The following AKAP19 variants were observed in gnomAD, a reference collection of about 807,000 sequenced individuals.
AKAP19 encodes A-kinase anchoring protein 19.
the AKAP19 span, among the ~76,000 whole-genome samples, chr2:190,152,025 A>C: frequency 6.6e-6 from 1 of 151,356 alleles, no homozygotes; most frequent in Non-Finnish European, 1.5e-5. Flanking sequence ...CAAAAAAAAA[A>C]AACAAAGAGA....
At chr2:190,116,762 C>T in the AKAP19 span, among the ~76,000 whole-genome samples, 1 of 152,182 alleles carries the variant, frequency 6.6e-6, no homozygotes, top group African/African-American at 2.4e-5. Context: ...GTCTTAGTTT[C>T]CCATCTGGCC....
At chr2:189,980,941 C>G in the AKAP19 span, among the ~76,000 whole-genome samples, 1 of 152,144 alleles carries the variant, frequency 6.6e-6, no homozygotes, top group South Asian at 2.1e-4. Flanking sequence ...TATGACAGAG[C>G]ATGTGGTCAA....
chr2:190,093,891 C>A, the AKAP19 span, among the ~76,000 whole-genome samples: 3 of 152,188 alleles, frequency 2.0e-5, 1 homozygote, highest in Admixed American at 2.0e-4. Flanking sequence ...CAGTCAGAGA[C>A]GAAAGCAGTC....
At chr2:190,098,750 T>C in the AKAP19 span, among the ~76,000 whole-genome samples, 1 of 152,200 alleles carries the variant, frequency 6.6e-6, no homozygotes, top group African/African-American at 2.4e-5. Context: ...GGCTGTCTCA[T>C]CTACATTGAA....
chr2:190,011,894 A>G, the AKAP19 span, among the ~76,000 whole-genome samples: 1 of 152,144 alleles, frequency 6.6e-6, no homozygotes, highest in South Asian at 2.1e-4. Context: ...TTTTTGCTCA[A>G]GATTGCCTTG....
the AKAP19 span, among the ~76,000 whole-genome samples, chr2:190,106,330 A>C: frequency 5.3e-5 from 8 of 152,226 alleles, no homozygotes; most frequent in African/African-American, 1.7e-4. Context: ...ATACACTGTC[A>C]GCCTTGTAAA....
the AKAP19 span, among the ~76,000 whole-genome samples, chr2:189,981,029 G>A: frequency 3.6e-3 from 544 of 152,284 alleles, 4 homozygotes; most frequent in Middle Eastern, 0.01. Flanking sequence ...GTAGATGTTT[G>A]TTAGGTCCAT....
the AKAP19 span, among the ~76,000 whole-genome samples, chr2:190,142,625 T>C: frequency 6.6e-6 from 1 of 152,022 alleles, no homozygotes; most frequent in Non-Finnish European, 1.5e-5. Flanking sequence ...GCCTCCACAG[T>C]GGTAAGAAAT....
At chr2:190,039,031 CTCT>C in the AKAP19 span, among the ~76,000 whole-genome samples, 1 of 96,580 alleles carries the variant, frequency 1.0e-5, no homozygotes, top group Non-Finnish European at 2.3e-5. Context: ...CCTCTTCTTC[CTCT>C]TCTTCCTCTT....
chr2:190,200,527 C>T, the AKAP19 span: 1 of 185,352 alleles, frequency 5.4e-6, no homozygotes, highest in Non-Finnish European at 1.3e-5. Flanking sequence ...TGTTTATACC[C>T]AAAAAAAGTC....
At chr2:190,019,101 G>T in the AKAP19 span, among the ~76,000 whole-genome samples, 9 of 152,188 alleles carry the variant, frequency 5.9e-5, no homozygotes, top group African/African-American at 1.9e-4. Context: ...AGGATAGATG[G>T]CAGCAGCCAC....
the AKAP19 span, among the ~76,000 whole-genome samples, chr2:190,149,622 C>T: frequency 6.6e-6 from 1 of 152,122 alleles, no homozygotes; most frequent in Non-Finnish European, 1.5e-5. Context: ...CATATATTTG[C>T]ATGGTTCTGA....
chr2:190,178,078 G>T, the AKAP19 span, among the ~76,000 whole-genome samples: 1 of 152,068 alleles, frequency 6.6e-6, no homozygotes, highest in African/African-American at 2.4e-5. The surrounding 1 kb of genome is among the most constrained non-coding windows in gnomAD (Gnocchi z 6.3). Flanking sequence ...AAATCCTGCA[G>T]TTTGTCTCTG....
chr2:190,181,867 T>C, the AKAP19 span, among the ~76,000 whole-genome samples: 1 of 152,202 alleles, frequency 6.6e-6, no homozygotes, highest in East Asian at 1.9e-4. Flanking sequence ...TATTCCTTTT[T>C]CCCTTTGGAT....
chr2:189,910,618 C>G, the AKAP19 span, among the ~76,000 whole-genome samples: 1 of 151,842 alleles, frequency 6.6e-6, no homozygotes, highest in East Asian at 1.9e-4. Flanking sequence ...CTCCCCCCAC[C>G]ACCATCTCTA....
the AKAP19 span, among the ~76,000 whole-genome samples, chr2:190,188,679 T>C: frequency 1.9e-4 from 29 of 152,254 alleles, 2 homozygotes; most frequent in African/African-American, 2.4e-5. Context: ...TATACTGTAA[T>C]TGCCTTTTAA....
chr2:189,956,803 A>G, the AKAP19 span, among the ~76,000 whole-genome samples: 1 of 151,780 alleles, frequency 6.6e-6, no homozygotes, highest in African/African-American at 2.4e-5. Context: ...GGCTGGTGGC[A>G]AACTCCTGAC....
the AKAP19 span, among the ~76,000 whole-genome samples, chr2:189,883,928 T>C: frequency 6.6e-6 from 1 of 152,202 alleles, no homozygotes; most frequent in Non-Finnish European, 1.5e-5. Context: ...CTAAAGTTTC[T>C]AGTTGTTCCT....
At chr2:190,184,547 A>C in the AKAP19 span, among the ~76,000 whole-genome samples, 3 of 152,234 alleles carry the variant, frequency 2.0e-5, no homozygotes, top group Non-Finnish European at 4.4e-5. Context: ...AGGAATATCT[A>C]ATCTCATTTG....
Sources: allele counts gnomAD v4.1 joint callset (sites outside exome capture counted in the v4.1 genomes callset), GRCh38; gene constraint gnomAD v4.1.1; non-coding constraint Gnocchi (gnomAD v3.1); transcripts MANE v1.5; gene names NCBI Gene and HGNC (gene_info 2026-07-23, HGNC 2026-07-21).